The following FAM78B variants were observed in gnomAD, a reference collection of about 807,000 sequenced individuals.
The protein encoded by FAM78B is family with sequence similarity 78 member B, also known as protein FAM78B.
FAM78B carries 10 observed loss-of-function variants against 20.0 expected under a neutral mutation model. That is an observed-to-expected ratio of 0.50 (90% CI 0.31 to 0.85). The LOEUF (loss-of-function observed/expected upper bound fraction) is 0.85, where lower values mean the gene tolerates loss of function less well. Among genes scored for constraint, FAM78B ranks in the 40% least tolerant of loss-of-function variants. The pLI is 0.05. For missense variants in FAM78B, 283 were observed against 345.0 expected (o/e 0.82, Z 1.42); for synonymous variants, 135 against 132.8 (o/e 1.02, Z -0.12).
chr1:166,060,294 A>C (rs1295276648), exon 3 of FAM78B: 1 of 275,288 alleles, frequency 3.6e-6, no homozygotes, highest in Non-Finnish European at 7.2e-6. Context: ...CAGGCTGACC[A>C]GCTCTTCATC....
intron 1 of FAM78B, among the ~76,000 whole-genome samples, chr1:166,104,405 A>G (rs1653676934): frequency 6.6e-6 from 1 of 152,192 alleles, no homozygotes; most frequent in Non-Finnish European, 1.5e-5. Flanking sequence ...GAAAAGAGGA[A>G]GTCAAATTGT....
At chr1:166,103,259 C>A (rs189266709) in intron 1 of FAM78B, among the ~76,000 whole-genome samples, 25 of 152,268 alleles carry the variant, frequency 1.6e-4, no homozygotes, top group African/African-American at 6.0e-4. Flanking sequence ...CAGGAAAGAT[C>A]TAAAATTGAC....
intron 1 of FAM78B, among the ~76,000 whole-genome samples, chr1:166,073,185 GAACA>G (rs1652116995): frequency 3.9e-5 from 6 of 152,160 alleles, no homozygotes; most frequent in Admixed American, 3.9e-4. Context: ...CATCACATCA[GAACA>G]AACACATCTG....
intron 1 of FAM78B, among the ~76,000 whole-genome samples, chr1:166,115,392 A>C (rs1654216668): frequency 6.6e-6 from 1 of 152,220 alleles, no homozygotes; most frequent in African/African-American, 2.4e-5. Flanking sequence ...CAGAGGGGAC[A>C]AGCAAGGGCA....
intron 1 of FAM78B, among the ~76,000 whole-genome samples, chr1:166,103,079 C>T (rs942137788): frequency 1.3e-5 from 2 of 152,196 alleles, no homozygotes; most frequent in Non-Finnish European, 2.9e-5. Flanking sequence ...TACATGGAAA[C>T]TGAACAACCT....
At chr1:166,110,159 G>A (rs997898819) in intron 1 of FAM78B, among the ~76,000 whole-genome samples, 2 of 151,368 alleles carry the variant, frequency 1.3e-5, no homozygotes, top group African/African-American at 2.4e-5. Context: ...TAAATATGGT[G>A]CAGTGAATAC....
At chr1:166,074,403 C>T (rs2101713821) in intron 1 of FAM78B, among the ~76,000 whole-genome samples, 1 of 152,248 alleles carries the variant, frequency 6.6e-6, no homozygotes, top group East Asian at 1.9e-4. Flanking sequence ...ATATCTACAA[C>T]TACAGGTGTC....
chr1:166,078,523 G>A (rs543497780), intron 1 of FAM78B, among the ~76,000 whole-genome samples: 1 of 152,206 alleles, frequency 6.6e-6, no homozygotes, highest in African/African-American at 2.4e-5. Context: ...TTAGAAGAAA[G>A]AGGTAAATTT....
At chr1:166,164,410 A>G (rs1656276635) in intron 1 of FAM78B, among the ~76,000 whole-genome samples, 1 of 152,242 alleles carries the variant, frequency 6.6e-6, no homozygotes, top group African/African-American at 2.4e-5. Flanking sequence ...GTTCACATAT[A>G]ATCATTCTTT....
chr1:166,096,415 A>ATCAC (rs369512780), intron 1 of FAM78B, among the ~76,000 whole-genome samples: 127 of 152,236 alleles, frequency 8.3e-4, no homozygotes, highest in African/African-American at 3.0e-3. Flanking sequence ...CCATGCATAG[A>ATCAC]TCACTCTACA....
At chr1:166,131,670 T>C (rs929991223) in intron 1 of FAM78B, among the ~76,000 whole-genome samples, 3 of 152,158 alleles carry the variant, frequency 2.0e-5, no homozygotes, top group African/African-American at 7.2e-5. Context: ...GGGAGAACTA[T>C]CTAAAAGGGC....
intron 1 of FAM78B, among the ~76,000 whole-genome samples, chr1:166,128,664 G>A (rs1340632784): frequency 1.3e-5 from 2 of 152,200 alleles, no homozygotes; most frequent in Admixed American, 6.5e-5. Flanking sequence ...GCCAAGGGAG[G>A]TTTGGTCTTC....
chr1:166,108,177 C>T (rs1052897919), intron 1 of FAM78B, among the ~76,000 whole-genome samples: 1 of 152,004 alleles, frequency 6.6e-6, no homozygotes, highest in Admixed American at 6.6e-5. Flanking sequence ...TAAAGGGCAT[C>T]GAAATCGGTA....
chr1:166,081,680 G>A (rs10918340), intron 1 of FAM78B, among the ~76,000 whole-genome samples: 148,379 of 152,220 alleles, frequency 0.97, 72,418 homozygotes, highest in Middle Eastern at 1. Context: ...ACCCAAGGTG[G>A]CAGGTCAGAT....
At chr1:166,062,140 A>G (rs1651624103) in intron 2 of FAM78B, among the ~76,000 whole-genome samples, 1 of 152,188 alleles carries the variant, frequency 6.6e-6, no homozygotes, top group Admixed American at 6.5e-5. Context: ...TCACAAGCCT[A>G]AAAACTTTGA....
At position 166,124,497 on chromosome 1, in the gene FAM78B, G is replaced by A. The variant is rs574774422; in HGVS notation, c.263+41489C>T. ...GTGGGTACTACTAATAGCAAGTGGA[G>A]CTTGCTTTATTGAAGCAAGGAAACT... is the stretch of plus-strand genomic sequence containing the variant. On this transcript the variant is annotated intron_variant, in intron 1 of 1. Transcript: ENST00000354422. Among the ~76,000 whole-genome samples, 6 of 152,320 alleles carry A rather than the reference G, an allele frequency of 3.9e-5. No homozygotes were observed. In the East Asian group the frequency reaches 1.2e-3, roughly 29 times the overall value.
At chr1:166,106,098 T>G (rs1419474880) in intron 1 of FAM78B, among the ~76,000 whole-genome samples, 1 of 150,566 alleles carries the variant, frequency 6.6e-6, no homozygotes, top group African/African-American at 2.5e-5. Flanking sequence ...CAGCAAAGTA[T>G]CACAAGGACG....
exon 3 of FAM78B, chr1:166,059,022 C>G (rs542059749): frequency 2.0e-5 from 3 of 152,588 alleles, no homozygotes; most frequent in Admixed American, 2.0e-4. Flanking sequence ...GGTTATAAGA[C>G]TTACATGGGC....
chr1:166,084,262 CTCTT>C (rs1419063728), intron 1 of FAM78B, among the ~76,000 whole-genome samples: 70 of 150,804 alleles, frequency 4.6e-4, no homozygotes, highest in African/African-American at 1.6e-3. Context: ...CTCTCTCTCT[CTCTT>C]TCTCTCTCTC....
Sources: allele counts gnomAD v4.1 joint callset (sites outside exome capture counted in the v4.1 genomes callset), GRCh38; gene constraint gnomAD v4.1.1; transcripts MANE v1.5; gene names NCBI Gene and HGNC (gene_info 2026-07-23, HGNC 2026-07-21).